NRXN1: variants seen among roughly 807,000 people sequenced by gnomAD.
NRXN1 encodes neurexin 1.
Under a neutral mutation model 150.9 loss-of-function variants are expected in NRXN1, and 39 were observed. The observed-to-expected ratio is 0.26, with a 90% confidence interval of 0.20 to 0.34. The LOEUF is 0.34. Among genes scored for constraint, NRXN1 ranks in the 10% least tolerant of loss-of-function variants. NRXN1 has a pLI of 1.00. For missense variants in NRXN1, 1,815 were observed against 1,949.9 expected (o/e 0.93, Z 1.30); for synonymous variants, 924 against 757.0 (o/e 1.22, Z -3.62).
At chr2:49,997,827 G>A (rs1186568191) in intron 21 of NRXN1, among the ~76,000 whole-genome samples, 1 of 152,084 alleles carries the variant, frequency 6.6e-6, no homozygotes, top group Admixed American at 6.6e-5. Context: ...CTCTCTGCCT[G>A]GGAATCTGAG....
chr2:49,999,708 C>T (rs56792051), intron 21 of NRXN1, among the ~76,000 whole-genome samples: 54,979 of 151,756 alleles, frequency 0.36, 10,615 homozygotes, highest in South Asian at 0.45. Context: ...CTTCAATTTG[C>T]CTCCTCCCAC....
At chr2:50,922,718 T>A in intron 3 of NRXN1, 31 bp from the exon 4 acceptor site, 1 of 1,607,882 alleles carries the variant, frequency 6.2e-7, no homozygotes. Context: ...CAGTCAGCAA[T>A]AAACAAGGGA....
At chr2:50,426,307 T>G (rs1432473170) in intron 17 of NRXN1, among the ~76,000 whole-genome samples, 1 of 152,214 alleles carries the variant, frequency 6.6e-6, no homozygotes, top group Non-Finnish European at 1.5e-5. Flanking sequence ...GTGAATGATC[T>G]AATTCTCCCA....
chr2:50,592,033 G>A (rs976826866), intron 8 of NRXN1, among the ~76,000 whole-genome samples: 10 of 152,306 alleles, frequency 6.6e-5, no homozygotes, highest in African/African-American at 2.4e-4. Flanking sequence ...CCGATGCAAG[G>A]AGGAGATAAG....
intron 5 of NRXN1, among the ~76,000 whole-genome samples, chr2:50,841,511 T>C (rs546702485): frequency 1.7e-4 from 26 of 152,324 alleles, no homozygotes; most frequent in African/African-American, 6.0e-4. Flanking sequence ...TGTGTGCACA[T>C]TTTGCCACTG....
intron 17 of NRXN1, among the ~76,000 whole-genome samples, chr2:50,441,832 G>T (rs1215903899): frequency 6.6e-6 from 1 of 152,118 alleles, no homozygotes; most frequent in Admixed American, 6.5e-5. Flanking sequence ...TCATCCATCA[G>T]CATCTGATTT....
chr2:50,636,246 C>A (rs969484110), intron 5 of NRXN1, among the ~76,000 whole-genome samples: 1 of 152,016 alleles, frequency 6.6e-6, no homozygotes, highest in African/African-American at 2.4e-5. Flanking sequence ...AAAATATTTG[C>A]TATTTATTTA....
rs541759552 is a variant in NRXN1, at chr2:49,937,900, T to C, written c.4216+5804A>G. On this transcript the variant is annotated intron_variant, in intron 22 of 22. Transcript: ENST00000401669. The stretch of plus-strand genomic sequence containing the variant: ...AAGACAGTCCTTGAAATGATTGTGA[T>C]GACTTATTTAATGAAAAGGTGCACC... Among the ~76,000 whole-genome samples, 50 of 152,348 alleles carry C rather than the reference T, an allele frequency of 3.3e-4. No homozygotes were observed. The Middle Eastern group carries it at 0.014, about 41-fold the overall frequency.
intron 17 of NRXN1, among the ~76,000 whole-genome samples, chr2:50,463,383 T>C (rs1376251949): frequency 1.3e-5 from 2 of 151,814 alleles, no homozygotes; most frequent in East Asian, 3.9e-4. Flanking sequence ...AACTCCAACG[T>C]ATAAGCCAAG....
At chr2:50,646,528 C>T (rs2018909) in intron 5 of NRXN1, among the ~76,000 whole-genome samples, 13,975 of 151,914 alleles carry the variant, frequency 0.092, 654 homozygotes, top group Admixed American at 0.1. Context: ...TGAGGAGAAC[C>T]AGCTCTTTGG....
At chr2:50,593,729 G>A (rs753217692) in intron 8 of NRXN1, among the ~76,000 whole-genome samples, 3 of 152,034 alleles carry the variant, frequency 2.0e-5, no homozygotes, top group South Asian at 2.1e-4. Flanking sequence ...TTTTGGCCAC[G>A]TTTTAAAGAT....
chr2:50,236,723 T>A, intron 18 of NRXN1, 66 bp downstream of exon 18: 1 of 1,504,476 alleles, frequency 6.6e-7, no homozygotes, highest in East Asian at 2.3e-5. Context: ...GAAGCAAAAT[T>A]ATAAATTCTT....
chr2:50,145,501 C>A (rs951904206), intron 18 of NRXN1, among the ~76,000 whole-genome samples: 2 of 151,678 alleles, frequency 1.3e-5, no homozygotes, highest in Non-Finnish European at 3.0e-5. Flanking sequence ...CATTTCCTGT[C>A]AATTGATCCA....
chr2:50,842,387 A>G (rs1481745769), intron 5 of NRXN1, among the ~76,000 whole-genome samples: 2 of 152,222 alleles, frequency 1.3e-5, no homozygotes, highest in Non-Finnish European at 2.9e-5. Context: ...TAGAGAATAC[A>G]GGACAACTGT....
chr2:49,994,139 C>T (rs1245012002), intron 21 of NRXN1, among the ~76,000 whole-genome samples: 5 of 152,112 alleles, frequency 3.3e-5, no homozygotes, highest in Admixed American at 6.5e-5. Context: ...AAGCATAGTA[C>T]GGGGGTGCTC....
At chr2:50,069,847 G>GTTTTTTTT (rs1244777512) in intron 19 of NRXN1, among the ~76,000 whole-genome samples, 3 of 63,824 alleles carry the variant, frequency 4.7e-5, no homozygotes, top group African/African-American at 2.0e-4. Flanking sequence ...GATTTTGGGG[G>GTTTTTTTT]TTTTTTTTTT....
chr2:50,605,374 G>A (rs963378808), intron 8 of NRXN1, among the ~76,000 whole-genome samples: 1 of 151,858 alleles, frequency 6.6e-6, no homozygotes, highest in African/African-American at 2.4e-5. Context: ...CTCAGTGAGG[G>A]CTTGTAGAAT....
At chr2:50,034,473 C>T (rs1455765600) in intron 21 of NRXN1, among the ~76,000 whole-genome samples, 2 of 151,944 alleles carry the variant, frequency 1.3e-5, no homozygotes, top group African/African-American at 4.8e-5. Context: ...AGGGAAACAG[C>T]TGACACCGGG....
chr2:50,254,383 T>G (rs1262612059), intron 17 of NRXN1, among the ~76,000 whole-genome samples: 1 of 151,886 alleles, frequency 6.6e-6, no homozygotes, highest in Non-Finnish European at 1.5e-5. Context: ...TTCATTGATT[T>G]TTTGAAGAGT....
Sources: gnomAD v4.1 joint callset for allele counts (sites outside exome capture counted in the v4.1 genomes callset) on GRCh38, gnomAD v4.1.1 for gene constraint, MANE v1.5 for transcripts, NCBI Gene and HGNC (gene_info 2026-07-23, HGNC 2026-07-21) for gene names.